The following LINGO2 variants were observed in gnomAD, a reference collection of about 807,000 sequenced individuals.
The protein encoded by LINGO2 is leucine rich repeat and Ig domain containing 2, also known as leucine-rich repeat and immunoglobulin-like domain-containing nogo receptor-interacting protein 2.
Under a neutral mutation model 30.6 loss-of-function variants are expected in LINGO2, and 14 were observed. The observed-to-expected ratio is 0.46, with a 90% CI of 0.30 to 0.72. The LOEUF (loss-of-function observed/expected upper bound fraction) is 0.72, where lower values mean the gene tolerates loss of function less well. Ranked by LOEUF, LINGO2 falls within the 30% of genes least tolerant of loss-of-function variation. LINGO2 has a pLI of 0.07. For synonymous variants in LINGO2, 317 were observed against 288.5 expected, an observed-to-expected ratio of 1.10 and a Z score of -1.00; for missense variants, 729 against 751.7, an observed-to-expected ratio of 0.97 and a Z score of 0.35.
chr9:28,927,972 A>G, the LINGO2 span, among the ~76,000 whole-genome samples: 1 of 152,210 alleles, frequency 6.6e-6, no homozygotes, highest in African/African-American at 2.4e-5. Context: ...ATTTCAATAA[A>G]TAAATTAACA....
intron 4 of LINGO2, among the ~76,000 whole-genome samples, chr9:28,285,387 T>A (rs992162464): frequency 6.7e-6 from 1 of 148,756 alleles, no homozygotes; most frequent in African/African-American, 2.4e-5. Flanking sequence ...GAGGACACGT[T>A]GCCCAAGATC....
intron 3 of LINGO2, among the ~76,000 whole-genome samples, chr9:28,345,002 T>G (rs1819509852): frequency 6.6e-6 from 1 of 152,020 alleles, no homozygotes; most frequent in Non-Finnish European, 1.5e-5. Context: ...TAGACAGTGG[T>G]AGTTCACTGA....
chr9:29,055,947 T>TATATATAG, the LINGO2 span, among the ~76,000 whole-genome samples: 10 of 149,166 alleles, frequency 6.7e-5, no homozygotes, highest in African/African-American at 2.0e-4. Flanking sequence ...TGTGTATATA[T>TATATATAG]ACATATATAT....
intron 3 of LINGO2, among the ~76,000 whole-genome samples, chr9:28,355,090 T>A (rs1190056788): frequency 6.6e-6 from 1 of 152,198 alleles, no homozygotes; most frequent in African/African-American, 2.4e-5. Context: ...AAATTCATTC[T>A]AACTTTAGTC....
the LINGO2 span, among the ~76,000 whole-genome samples, chr9:29,195,345 T>TTG: frequency 7.0e-4 from 105 of 150,406 alleles, 1 homozygote; most frequent in Non-Finnish European, 9.3e-4. Flanking sequence ...CACTTTAATA[T>TTG]TGTGTGTGTG....
the LINGO2 span, among the ~76,000 whole-genome samples, chr9:28,785,170 G>A: frequency 6.6e-6 from 1 of 152,120 alleles, no homozygotes; most frequent in Non-Finnish European, 1.5e-5. Context: ...GAGAACCAGA[G>A]GAAAGTAGTT....
chr9:29,005,023 A>G, the LINGO2 span, among the ~76,000 whole-genome samples: 1 of 151,970 alleles, frequency 6.6e-6, no homozygotes, highest in South Asian at 2.1e-4. Flanking sequence ...AAGTGTAAAT[A>G]CTAGTATTAT....
At chr9:28,536,316 G>C (rs949419224) in intron 1 of LINGO2, among the ~76,000 whole-genome samples, 1 of 151,992 alleles carries the variant, frequency 6.6e-6, no homozygotes, top group Non-Finnish European at 1.5e-5. Flanking sequence ...ACATTTACTA[G>C]TTAGGGATTT....
intron 2 of LINGO2, 132 bp downstream of exon 4, chr9:28,475,808 C>A (rs568618695): frequency 1.3e-5 from 2 of 152,560 alleles, no homozygotes; most frequent in Admixed American, 1.3e-4. Context: ...TAAAGTCTTC[C>A]AAGTCATGAA....
the LINGO2 span, among the ~76,000 whole-genome samples, chr9:29,130,709 A>T: frequency 1.3e-5 from 2 of 152,146 alleles, no homozygotes; most frequent in Non-Finnish European, 2.9e-5. Flanking sequence ...AAGGCTCAAC[A>T]CACTGGGAAT....
At chr9:27,963,122 T>C (rs566723058) in intron 5 of LINGO2, among the ~76,000 whole-genome samples, 1 of 152,322 alleles carries the variant, frequency 6.6e-6, no homozygotes, top group African/African-American at 2.4e-5. Context: ...TGTGGGACTT[T>C]TTCATCTATG....
chr9:28,477,259 G>C (rs950683467), intron 1 of LINGO2, among the ~76,000 whole-genome samples: 2 of 152,194 alleles, frequency 1.3e-5, no homozygotes, highest in Non-Finnish European at 1.5e-5. Context: ...ATCATGAACT[G>C]TTCTTAGTAT....
At chr9:28,906,259 T>TA in the LINGO2 span, among the ~76,000 whole-genome samples, 3 of 151,956 alleles carry the variant, frequency 2.0e-5, no homozygotes, top group Non-Finnish European at 4.4e-5. Context: ...TTAATAACAA[T>TA]GTATTATATT....
chr9:28,869,022 T>A, the LINGO2 span, among the ~76,000 whole-genome samples: 1 of 152,142 alleles, frequency 6.6e-6, no homozygotes, highest in African/African-American at 2.4e-5. Context: ...ATTTGTTAAA[T>A]ATGGGATAAA....
chr9:28,955,700 A>C, the LINGO2 span, among the ~76,000 whole-genome samples: 176 of 152,228 alleles, frequency 1.2e-3, no homozygotes, highest in African/African-American at 4.0e-3. Context: ...AGGAGAACTA[A>C]ACATATAATT....
At chr9:28,964,788 T>C in the LINGO2 span, among the ~76,000 whole-genome samples, 1 of 151,978 alleles carries the variant, frequency 6.6e-6, no homozygotes, top group Non-Finnish European at 1.5e-5. Flanking sequence ...CTAGGCTTAG[T>C]AGTTTAGAGA....
At chr9:29,112,676 C>A in the LINGO2 span, among the ~76,000 whole-genome samples, 3 of 152,288 alleles carry the variant, frequency 2.0e-5, no homozygotes, top group East Asian at 5.8e-4. Flanking sequence ...TGGAAAAATG[C>A]TACTCCATTC....
At chr9:28,578,283 G>A (rs1436888684) in intron 1 of LINGO2, among the ~76,000 whole-genome samples, 4 of 152,094 alleles carry the variant, frequency 2.6e-5, no homozygotes, top group African/African-American at 9.7e-5. Flanking sequence ...GTTGAGGTGG[G>A]GAGGTGGGTA....
chr9:29,191,722 T>C, the LINGO2 span, among the ~76,000 whole-genome samples: 1 of 152,168 alleles, frequency 6.6e-6, no homozygotes, highest in East Asian at 1.9e-4. Flanking sequence ...TCATCTGCCA[T>C]GCATGTTTCG....
Sources: allele counts gnomAD v4.1 joint callset (sites outside exome capture counted in the v4.1 genomes callset), GRCh38; gene constraint gnomAD v4.1.1; transcripts MANE v1.5; gene names NCBI Gene and HGNC (gene_info 2026-07-23, HGNC 2026-07-21).